Variants in GNPAT observed in about 807,000 individuals in gnomAD.
The protein encoded by GNPAT is glyceronephosphate O-acyltransferase.
Under a neutral mutation model 78.4 loss-of-function variants are expected in GNPAT, and 30 were observed. The ratio of observed to expected loss-of-function variants is 0.38; its 90% CI spans 0.29 to 0.52. GNPAT has a LOEUF of 0.52. GNPAT is among the 20% of genes least tolerant of loss of function. The pLI, the probability that GNPAT is intolerant of heterozygous loss-of-function variation, is 0.84. For synonymous variants in GNPAT, 271 were observed against 281.1 expected, an observed-to-expected ratio of 0.96 and a Z score of 0.36; for missense variants, 714 against 812.2, an observed-to-expected ratio of 0.88 and a Z score of 1.47.
Position 231,246,315 on chromosome 1 carries a change from T to A in GNPAT, c.79-4646T>A, listed in dbSNP as rs540672990. Among the ~76,000 whole-genome samples the A allele has an allele frequency of 3.3e-5, 5 of 152,378 alleles. No homozygotes were observed. The South Asian group carries it at 1.0e-3, about 32-fold the overall frequency. ...ATTGACCAACATACTACTGGTGGTA[T>A]CACTAAATGAATTTACCTTGTTTAT... On this transcript the variant is annotated intron_variant, in intron 1 of 15. Coordinates refer to ENST00000366647, the MANE Select transcript of GNPAT (RefSeq NM_014236.4).
intron 1 of GNPAT, among the ~76,000 whole-genome samples, chr1:231,250,012 C>T (rs185566004): frequency 1.2e-3 from 182 of 151,772 alleles, no homozygotes; most frequent in Non-Finnish European, 2.0e-3. Context: ...TTTGGGAGAC[C>T]AAGGTGGGAG....
At chr1:231,263,366 C>G (rs1156236261) in intron 4 of GNPAT, among the ~76,000 whole-genome samples, 2 of 152,152 alleles carry the variant, frequency 1.3e-5, no homozygotes, top group Admixed American at 1.3e-4. Flanking sequence ...ACTCCCCGTT[C>G]TACCCTCCCC....
rs564721699 is a variant in GNPAT at position 231,270,687 on chromosome 1, G to A, written c.1280-71G>A. ...CATCTGTCACGTTACCATTAATAAC[G>A]TTAACGTACGCTAGGCCTAAGACTC... is the stretch of plus-strand genomic sequence containing the variant. On this transcript the variant is annotated intron_variant, in intron 9 of 15. Transcript: ENST00000366647. 1.3e-5 allele frequency: 19 copies of A among 1,469,918 alleles called. No homozygotes were observed. In the East Asian group the frequency reaches 1.6e-4, roughly 12 times the overall value. The allele number at this position is 1,469,918 out of a possible 1,614,324, so 91.1% of individuals were successfully genotyped here.
chr1:231,254,596 C>G (rs1163568314), intron 2 of GNPAT, among the ~76,000 whole-genome samples: 1 of 151,488 alleles, frequency 6.6e-6, no homozygotes. Flanking sequence ...TGTCCGCCAC[C>G]ATGCCCAGCT....
chr1:231,246,408 G>A (rs1024743123), intron 1 of GNPAT, among the ~76,000 whole-genome samples: 11 of 152,214 alleles, frequency 7.2e-5, no homozygotes, highest in Non-Finnish European at 1.3e-4. Context: ...TGTTCATGCT[G>A]TATTCACAGC....
intron 11 of GNPAT, among the ~76,000 whole-genome samples, chr1:231,273,473 G>C (rs1366407808): frequency 1.3e-5 from 2 of 151,880 alleles, no homozygotes; most frequent in Admixed American, 6.6e-5. Flanking sequence ...GGATGGTCTC[G>C]ATCTCCTGAC....
rs763119615 is a variant in GNPAT at position 231,266,122 on chromosome 1, T to G, written c.881T>G (p.Val294Gly). 2.5e-6 allele frequency: 4 copies of G among 1,612,250 alleles called. No homozygotes were observed. The highest frequency in any genetic ancestry group is 3.4e-6 in the Non-Finnish European group (4 of 1,178,360). The change falls in exon 7 of 16, where the codon GTG (valine) becomes GGG (glycine). Residue 294 changes from valine (V) to glycine (G), a missense_variant. Physicochemically the swap from Val to Gly is moderately radical, Grantham distance 109. Coordinates refer to ENST00000366647, the MANE Select transcript of GNPAT (RefSeq NM_014236.4). ...YDKILEETLY[V>G]YELLGVPKPK... ...AAGATCTTGGAAGAAACTCTTTATGTGTATGAGCTTCTAGGGGTTCCTAAA... is the reference window on the plus strand; with the variant it reads ...AAGATCTTGGAAGAAACTCTTTATGGGTATGAGCTTCTAGGGGTTCCTAAA...
At chr1:231,276,274 A>G (rs1685712714) in intron 15 of GNPAT, 78 bp downstream of exon 15, 1 of 743,970 alleles carries the variant, frequency 1.3e-6, no homozygotes, top group Non-Finnish European at 2.4e-6. Context: ...GTGGCACCAA[A>G]TACTTTATCA....
chr1:231,243,401 G>T (rs903108845), intron 1 of GNPAT, among the ~76,000 whole-genome samples: 4 of 152,144 alleles, frequency 2.6e-5, no homozygotes, highest in Admixed American at 2.6e-4. Flanking sequence ...TTGGTTCACT[G>T]CAACCTCCAT....
Position 231,250,940 on chromosome 1 carries a change from ACTTTCTTGC to A in GNPAT, c.79-17_79-9del, listed in dbSNP as rs1684879129. Reference sequence around the variant, plus strand: ...ATTTATTTTACAGTATGTGCTCATTACTTTCTTGCCTTATCCACAGAAGGAGCTCAAAAA... The same window carrying A: ...ATTTATTTTACAGTATGTGCTCATTACTTATCCACAGAAGGAGCTCAAAAA... On this transcript the variant is annotated splice_polypyrimidine_tract_variant and intron_variant, in intron 1 of 15. Coordinates refer to ENST00000366647, the MANE Select transcript of GNPAT (RefSeq NM_014236.4). The A allele has an allele frequency of 1.3e-6, 2 of 1,523,776 alleles. No individual in the cohort carries two copies. The highest frequency in any genetic ancestry group is 3.3e-5 in the Admixed American group (2 of 59,898). The allele number at this position is 1,523,776 out of a possible 1,614,324, so 94.4% of individuals were successfully genotyped here.
At chr1:231,264,318 T>C (rs1685311992) in intron 4 of GNPAT, among the ~76,000 whole-genome samples, 1 of 152,240 alleles carries the variant, frequency 6.6e-6, no homozygotes, top group Non-Finnish European at 1.5e-5. Context: ...TTAATTTTAA[T>C]AGCCATATAA....
At position 231,266,261 on chromosome 1, in the gene GNPAT, G is replaced by A. The variant is rs41305723; in HGVS notation, c.925-16G>A. The A allele has an allele frequency of 2.0e-3, 3,147 of 1,610,986 alleles. 12 individuals carry two copies. The highest frequency in any genetic ancestry group is 2.3e-3 in the Non-Finnish European group (2,669 of 1,179,870). On this transcript the variant is annotated splice_polypyrimidine_tract_variant and intron_variant, in intron 7 of 15. Transcript: ENST00000366647. ...CTGCTTTTCGTTTTCTTCCCCCCCT[G>A]TTATGGTACTATTAGGGGTTGCTGA...
intron 2 of GNPAT, among the ~76,000 whole-genome samples, chr1:231,258,683 G>A (rs1435078358): frequency 7.5e-6 from 1 of 133,582 alleles, no homozygotes; most frequent in Non-Finnish European, 1.5e-5. Context: ...CCCGGCTGGA[G>A]GCAGTGGCTC....
chr1:231,273,899 T>TA (rs1423587921), intron 11 of GNPAT, 23 bp from the exon 12 acceptor site: 1 of 1,607,398 alleles, frequency 6.2e-7, no homozygotes. Flanking sequence ...AGATGAACAT[T>TA]ATGGCTTCCT....
In GNPAT at chr1:231,267,711, C is replaced by A; in HGVS notation, c.1087C>A (p.His363Asn). The change falls in exon 9 of 16, where the codon CAT becomes AAT. Residue 363 changes from histidine to asparagine, a missense_variant. Coordinates refer to ENST00000366647, the MANE Select transcript of GNPAT (RefSeq NM_014236.4). The stretch of plus-strand genomic sequence containing the variant: ...TCCTCAGAAACAGTCTGAGGACATG[C>A]ATGCCTTTGTCACTGAAGTTGCCTA... ...YIPQKQSEDM[H>N]AFVTEVAYKM... 1 of 1,606,120 alleles carries A rather than the reference C, an allele frequency of 6.2e-7. No homozygotes were observed. Among genetic ancestry groups the A allele is most frequent in the Non-Finnish European group, 8.5e-7 (1 of 1,172,738 alleles).
intron 2 of GNPAT, chr1:231,258,396 G>C (rs1571942326): frequency 6.6e-6 from 1 of 152,232 alleles, no homozygotes; most frequent in Middle Eastern, 3.1e-3. Context: ...AAAGGCGCCT[G>C]CTCTCCTGGT....
At chr1:231,265,826 A>G (rs369478719) in intron 6 of GNPAT, 39 bp downstream of exon 6, 27 of 1,263,336 alleles carry the variant, frequency 2.1e-5, no homozygotes, top group Non-Finnish European at 3.0e-5. Flanking sequence ...TACAAACCCA[A>G]AGACATCAGC....
chr1:231,244,794 A>G (rs1043959859), intron 1 of GNPAT, among the ~76,000 whole-genome samples: 2 of 152,222 alleles, frequency 1.3e-5, no homozygotes, highest in Admixed American at 6.5e-5. Flanking sequence ...GCCTGAAATC[A>G]TTCAGTGAGA....
At chr1:231,257,665 ATTT>A (rs1036302364) in intron 2 of GNPAT, among the ~76,000 whole-genome samples, 4 of 152,008 alleles carry the variant, frequency 2.6e-5, no homozygotes, top group African/African-American at 9.7e-5. Flanking sequence ...TCCCTGGTCC[ATTT>A]TATCCATCAT....
Sources: gnomAD v4.1 joint callset for allele counts (sites outside exome capture counted in the v4.1 genomes callset) on GRCh38, gnomAD v4.1.1 for gene constraint, MANE v1.5 for transcripts, NCBI Gene and HGNC (gene_info 2026-07-23, HGNC 2026-07-21) for gene names.